The following CDH18 variants were observed in gnomAD, a reference collection of about 807,000 sequenced individuals.
CDH18 encodes cadherin-18.
In CDH18, 31 loss-of-function variants were observed where a neutral mutation model predicts 67.9. The ratio of observed to expected loss-of-function variants is 0.46; its 90% CI spans 0.34 to 0.62. The LOEUF (loss-of-function observed/expected upper bound fraction) is 0.62. CDH18 is among the 20% of genes least tolerant of loss of function. The probability of loss-of-function intolerance (pLI) is 0.01; values close to 1 mark genes in which losing one functional copy is unlikely to be tolerated. For missense variants in CDH18, 890 were observed against 975.5 expected (o/e 0.91, Z 1.17); for synonymous variants, 362 against 347.2 (o/e 1.04, Z -0.48).
At chr5:19,814,237 C>T (rs975572839) in intron 3 of CDH18, among the ~76,000 whole-genome samples, 6 of 151,272 alleles carry the variant, frequency 4.0e-5, no homozygotes, top group Non-Finnish European at 7.4e-5. Flanking sequence ...TAAAAATACC[C>T]AATAATATGA....
Position 19,571,799 on chromosome 5 carries a change from G to A in CDH18, c.1033C>T (p.Leu345Phe), listed in dbSNP as rs765191598. The change falls in exon 8 of 13, where the codon CTC (leucine) becomes TTC (phenylalanine). Residue 345 changes from leucine to phenylalanine, a missense_variant. Coordinates refer to ENST00000382275, the MANE Select transcript of CDH18 (RefSeq NM_004934.5). ...TGTGTATTTGCTCCTTCTATGTTGA[G>A]GGTATATGACTTCTTTTTCTCATAG... ...LNYEKKKSYTLNIEGANTHLD... is the reference protein window; with the variant it reads ...LNYEKKKSYTFNIEGANTHLD... 2.5e-6 allele frequency: 4 copies of A among 1,613,318 alleles called. No homozygotes were observed. The Admixed American group carries it at 6.7e-5, about 27-fold the overall frequency.
chr5:19,665,669 T>G (rs1757807416), intron 5 of CDH18, among the ~76,000 whole-genome samples: 1 of 152,010 alleles, frequency 6.6e-6, no homozygotes, highest in Admixed American at 6.6e-5. Context: ...ATCAGGGTAT[T>G]AACATAAAAA....
chr5:19,803,486 A>G (rs1034023913), intron 3 of CDH18, among the ~76,000 whole-genome samples: 1 of 152,176 alleles, frequency 6.6e-6, no homozygotes, highest in Non-Finnish European at 1.5e-5. Context: ...AGTCACATGT[A>G]GCTAGTGACT....
chr5:20,378,167 G>T (rs1386965389), intron 1 of CDH18, among the ~76,000 whole-genome samples: 1 of 151,986 alleles, frequency 6.6e-6, no homozygotes, highest in Non-Finnish European at 1.5e-5. Flanking sequence ...GATGACCCTC[G>T]TTTCTTTCTT....
At chr5:20,196,731 A>G (rs905937559) in intron 2 of CDH18, among the ~76,000 whole-genome samples, 5 of 152,184 alleles carry the variant, frequency 3.3e-5, no homozygotes, top group African/African-American at 9.6e-5. Flanking sequence ...TTTGATCAGG[A>G]TGTAGATGTA....
At chr5:20,385,838 C>T (rs1170931399) in intron 1 of CDH18, among the ~76,000 whole-genome samples, 1 of 152,146 alleles carries the variant, frequency 6.6e-6, no homozygotes, top group African/African-American at 2.4e-5. Context: ...ATGAATATCC[C>T]ATAAACAATC....
intron 1 of CDH18, among the ~76,000 whole-genome samples, chr5:20,315,756 G>A (rs1737405858): frequency 6.6e-6 from 1 of 152,048 alleles, no homozygotes; most frequent in South Asian, 2.1e-4. Flanking sequence ...TCTCACAAAG[G>A]CTACTTTGAT....
intron 4 of CDH18, among the ~76,000 whole-genome samples, chr5:19,745,374 C>A (rs1176778880): frequency 6.6e-6 from 1 of 152,152 alleles, no homozygotes; most frequent in Non-Finnish European, 1.5e-5. Flanking sequence ...GCCTGCTCTG[C>A]CTGTTTTTCT....
At chr5:19,527,731 TATTTATTCAACTTTTGTCAGTTTAC>T (rs1345986667) in intron 9 of CDH18, among the ~76,000 whole-genome samples, 6 of 151,950 alleles carry the variant, frequency 3.9e-5, no homozygotes, top group African/African-American at 1.2e-4. Context: ...TTATCCCATA[TATTTATTCAACTTTTGTCAGTTTAC>T]AGTAAGTGCT....
chr5:20,039,808 C>T (rs1375922791), intron 2 of CDH18, among the ~76,000 whole-genome samples: 1 of 152,112 alleles, frequency 6.6e-6, no homozygotes, highest in African/African-American at 2.4e-5. Flanking sequence ...ATGACTAAAA[C>T]ACCAAAAGCA....
chr5:20,416,595 T>C (rs941690746), intron 1 of CDH18, among the ~76,000 whole-genome samples: 3 of 152,062 alleles, frequency 2.0e-5, no homozygotes, highest in Non-Finnish European at 4.4e-5. Flanking sequence ...AGGAAATACA[T>C]GAAATAGTCA....
chr5:20,031,854 G>A (rs1349042757), intron 2 of CDH18, among the ~76,000 whole-genome samples: 1 of 151,980 alleles, frequency 6.6e-6, no homozygotes, highest in East Asian at 1.9e-4. Context: ...CTACAAATGG[G>A]AGATGAAGAA....
At chr5:20,486,813 A>T (rs939939850) in intron 1 of CDH18, among the ~76,000 whole-genome samples, 1 of 151,862 alleles carries the variant, frequency 6.6e-6, no homozygotes, top group African/African-American at 2.4e-5. Flanking sequence ...AAAATTTTCT[A>T]TTTCTTTTAT....
At chr5:20,375,225 A>T (rs1743319145) in intron 1 of CDH18, among the ~76,000 whole-genome samples, 1 of 152,162 alleles carries the variant, frequency 6.6e-6, no homozygotes, top group African/African-American at 2.4e-5. Flanking sequence ...GCTTTATAAA[A>T]CTCATTTAAC....
At chr5:20,331,363 C>T (rs1272256514) in intron 1 of CDH18, 2 of 152,110 alleles carry the variant, frequency 1.3e-5, no homozygotes, top group Non-Finnish European at 2.9e-5. Context: ...TAGGTCCCTC[C>T]AAGACTTCGC....
intron 2 of CDH18, among the ~76,000 whole-genome samples, chr5:20,062,947 T>C (rs1742627174): frequency 6.6e-6 from 1 of 151,274 alleles, no homozygotes; most frequent in South Asian, 2.1e-4. Context: ...ATTTATGTAA[T>C]ATAATGTACA....
intron 7 of CDH18, among the ~76,000 whole-genome samples, chr5:19,584,472 G>A (rs1743780201): frequency 6.6e-6 from 1 of 151,518 alleles, no homozygotes; most frequent in South Asian, 2.1e-4. Context: ...ATCTCAATGA[G>A]TATCTCTTGA....
chr5:20,459,644 G>A (rs1751108159), intron 1 of CDH18, among the ~76,000 whole-genome samples: 1 of 152,152 alleles, frequency 6.6e-6, no homozygotes, highest in Non-Finnish European at 1.5e-5. Flanking sequence ...TGGGCTCTGG[G>A]CATGTTTTCC....
At chr5:20,307,266 A>G (rs1459452437) in intron 1 of CDH18, among the ~76,000 whole-genome samples, 2 of 151,958 alleles carry the variant, frequency 1.3e-5, no homozygotes, top group African/African-American at 4.8e-5. Context: ...TTGGCAGGGG[A>G]TGACACCAAT....
Sources: allele counts gnomAD v4.1 joint callset (sites outside exome capture counted in the v4.1 genomes callset), GRCh38; gene constraint gnomAD v4.1.1; transcripts MANE v1.5; gene names NCBI Gene and HGNC (gene_info 2026-07-23, HGNC 2026-07-21).